The following ABCA12 variants were observed in gnomAD, a reference collection of about 807,000 sequenced individuals.
ABCA12 encodes the protein glucosylceramide transporter ABCA12.
Under a neutral mutation model 293.5 loss-of-function variants are expected in ABCA12, and 156 were observed. The observed-to-expected ratio is 0.53, with a 90% confidence interval of 0.47 to 0.61. The LOEUF (loss-of-function observed/expected upper bound fraction) is 0.61. Ranked by LOEUF, ABCA12 falls within the 20% of genes least tolerant of loss-of-function variation. The pLI, the probability that ABCA12 is intolerant of heterozygous loss-of-function variation, is 0.00. For missense variants in ABCA12, 2,797 were observed against 3,090.2 expected, an observed-to-expected ratio of 0.91 and a Z score of 2.25; for synonymous variants, 1,063 against 1,108.0, an observed-to-expected ratio of 0.96 and a Z score of 0.81.
chr2:214,942,726 C>CTAAAA (rs1239925805), intron 50 of ABCA12, among the ~76,000 whole-genome samples, 199 bp downstream of exon 50: 3 of 152,032 alleles, frequency 2.0e-5, no homozygotes, highest in African/African-American at 7.2e-5. Context: ...TATGAGTTAA[C>CTAAAA]TAAAATATTT....
chr2:215,076,419 CT>C (rs963169470), intron 2 of ABCA12, among the ~76,000 whole-genome samples: 20 of 151,938 alleles, frequency 1.3e-4, no homozygotes, highest in South Asian at 6.2e-4. Context: ...AGAAAAAGTT[CT>C]TTTTTTTCTG....
intron 1 of ABCA12, among the ~76,000 whole-genome samples, chr2:215,130,589 CTT>C (rs371807952): frequency 1.7e-4 from 26 of 152,174 alleles, no homozygotes; most frequent in African/African-American, 6.3e-4. Context: ...TATCCTGAGA[CTT>C]ACTAAAGTCA....
chr2:214,932,752 A>T lies in ABCA12; in HGVS notation c.7681-11T>A. 6.2e-7 allele frequency: 1 copy of T among 1,603,834 alleles called. No individual in the cohort carries two copies. Among genetic ancestry groups the T allele is most frequent in the Non-Finnish European group, 8.5e-7 (1 of 1,170,936 alleles). ...AAAGTTGATGAAAACCTGATTTTTC[A>T]GGGAAAATAAAGCCATTAATGCCTG... On this transcript the variant is annotated splice_polypyrimidine_tract_variant and intron_variant, in intron 52 of 52. Transcript: ENST00000272895.
chr2:215,103,968 C>G (rs1702411374), intron 2 of ABCA12, among the ~76,000 whole-genome samples: 1 of 151,506 alleles, frequency 6.6e-6, no homozygotes, highest in African/African-American at 2.4e-5. Context: ...GCCTGGGCAA[C>G]AGGGACAGAT....
At chr2:214,953,764 A>G (rs1452018941) in intron 44 of ABCA12, 90 bp downstream of exon 44, 29 of 1,493,388 alleles carry the variant, frequency 1.9e-5, no homozygotes, top group African/African-American at 4.2e-5. Context: ...CATATTACCA[A>G]TGGAAAAGCT....
chr2:214,932,362 G>T lies in ABCA12; in HGVS notation c.*272C>A. The T allele has an allele frequency of 2.5e-6, 1 of 404,558 alleles. No homozygotes were observed. Among genetic ancestry groups the T allele is most frequent in the Non-Finnish European group, 4.5e-6 (1 of 222,618 alleles). 25.1% of individuals were successfully genotyped at this position (404,558 alleles called of 1,614,324 possible). On this transcript the variant is annotated 3_prime_UTR_variant, in exon 53 of 53. Transcript: ENST00000272895. ...AAATTAAGATATTCATCTTGAGGTG[G>T]CTTCACCTTTGCATAAGAATCACCA... is the stretch of plus-strand genomic sequence containing the variant.
chr2:215,096,714 C>T (rs1454646466), intron 2 of ABCA12, among the ~76,000 whole-genome samples: 1 of 152,080 alleles, frequency 6.6e-6, no homozygotes, highest in African/African-American at 2.4e-5. Context: ...CTGTGTAATT[C>T]TTTTTCTTTC....
Position 215,007,858 on chromosome 2 carries a change from AG to A in ABCA12, c.2473-13del, listed in dbSNP as rs1559143008. On this transcript the variant is annotated splice_polypyrimidine_tract_variant and intron_variant, in intron 18 of 52. Transcript: ENST00000272895. ...AGAGTTACATTGGACTTAATGACAA[AG>A]AAACAAAAGAAGTGTGATCCATTAG... 1 of 1,613,748 alleles carries A rather than the reference AG, an allele frequency of 6.2e-7. No individual in the cohort carries two copies. Among genetic ancestry groups the A allele is most frequent in the South Asian group, 1.1e-5 (1 of 91,074 alleles).
chr2:215,066,106 T>G (rs1334022459), intron 2 of ABCA12, among the ~76,000 whole-genome samples: 1 of 152,122 alleles, frequency 6.6e-6, no homozygotes, highest in African/African-American at 2.4e-5. Flanking sequence ...GCTTTTCATG[T>G]CATCCCTCCG....
chr2:215,035,083 G>A (rs1259301785), intron 8 of ABCA12, among the ~76,000 whole-genome samples: 1 of 152,212 alleles, frequency 6.6e-6, no homozygotes. Context: ...CTGTTGAACT[G>A]TAGTCACTAG....
At chr2:214,959,107 T>G in intron 39 of ABCA12, 29 bp from the exon 40 acceptor site, 2 of 1,590,548 alleles carry the variant, frequency 1.3e-6, no homozygotes, top group Non-Finnish European at 1.7e-6. Context: ...CTTCTATTAG[T>G]AGGTATTCAG....
chr2:215,011,551 A>T lies in ABCA12; in HGVS notation c.2220T>A (p.Thr740=), dbSNP rs1389336512. Residue 740 remains threonine, a synonymous_variant, in exon 17 of 53, where the codon ACT becomes ACA. Transcript: ENST00000272895. The part of the protein sequence containing the change: ...CSQGITTEYL[T]AMLPSSQRPK... ...GCCTCTGGGAAGAGGGCAGCATGGC[A>T]GTTAAATATTCAGTGGTAATTCCTT... is the stretch of plus-strand genomic sequence containing the variant. 6.2e-7 allele frequency: 1 copy of T among 1,614,134 alleles called. No homozygotes were observed. Among genetic ancestry groups the T allele is most frequent in the Admixed American group, 1.7e-5 (1 of 60,030 alleles).
chr2:215,007,745 C>T lies in ABCA12; in HGVS notation c.2574G>A (p.Gln858=). The T allele has an allele frequency of 1.9e-6, 3 of 1,613,926 alleles. No homozygotes were observed. In the Admixed American group the frequency reaches 5.0e-5, roughly 27 times the overall value. The change falls in exon 19 of 53, where the codon CAG becomes CAA. Residue 858 remains glutamine (Q), a synonymous_variant. Transcript: ENST00000272895. ...CTCATACCTGGAGCATTGGAATTGC[C>T]TGGTTTAACAGATGGAAGGAATTCA... ...LFMNSFHLLN[Q]AIPMLQNTLR...
At chr2:215,061,519 G>A (rs555298978) in intron 3 of ABCA12, among the ~76,000 whole-genome samples, 17 of 152,096 alleles carry the variant, frequency 1.1e-4, no homozygotes, top group Admixed American at 2.0e-4. Context: ...TTCACTAAAG[G>A]GAAGCAATTT....
At chr2:215,050,989 A>C (rs865893564) in intron 5 of ABCA12, among the ~76,000 whole-genome samples, 12 of 152,176 alleles carry the variant, frequency 7.9e-5, no homozygotes, top group African/African-American at 2.9e-4. Flanking sequence ...CCCTGGATAT[A>C]TAGCTCTGTG....
At chr2:215,110,750 T>C (rs1702556360) in intron 2 of ABCA12, among the ~76,000 whole-genome samples, 1 of 152,214 alleles carries the variant, frequency 6.6e-6, no homozygotes, top group Non-Finnish European at 1.5e-5. Context: ...CTTTACAAAA[T>C]AATTCAGGAT....
chr2:215,015,400 A>G (rs1700470411), intron 15 of ABCA12, 90 bp downstream of exon 15: 9 of 1,258,044 alleles, frequency 7.2e-6, no homozygotes, highest in African/African-American at 1.5e-5. Flanking sequence ...AATGGATCTC[A>G]TCCCTCATAG....
intron 31 of ABCA12, 128 bp downstream of exon 31, chr2:214,980,355 T>C (rs1699619356): frequency 7.6e-7 from 1 of 1,321,372 alleles, no homozygotes; most frequent in Non-Finnish European, 1.1e-6. Context: ...CTCACTCAAA[T>C]ATGAGAAGCA....
At chr2:214,938,895 C>T (rs550697078) in intron 50 of ABCA12, among the ~76,000 whole-genome samples, 4 of 152,184 alleles carry the variant, frequency 2.6e-5, no homozygotes, top group South Asian at 4.1e-4. Context: ...AATTTTCTCC[C>T]GTTCTGTAGG....
Sources: allele counts gnomAD v4.1 joint callset (sites outside exome capture counted in the v4.1 genomes callset), GRCh38; gene constraint gnomAD v4.1.1; transcripts MANE v1.5; gene names NCBI Gene and HGNC (gene_info 2026-07-23, HGNC 2026-07-21).